The following CCDC7 variants were observed in gnomAD, a reference collection of about 807,000 sequenced individuals.
CCDC7 encodes the protein coiled-coil domain-containing protein 7.
A neutral mutation model predicts 196.9 loss-of-function variants in CCDC7; 183 were observed. That is an observed-to-expected ratio of 0.93 (90% CI 0.82 to 1.05). The LOEUF (loss-of-function observed/expected upper bound fraction) is 1.05. Ranked by LOEUF, CCDC7 falls within the 50% of genes least tolerant of loss-of-function variation. The pLI, the probability that CCDC7 is intolerant of heterozygous loss-of-function variation, is 0.00. For missense variants in CCDC7, 1,540 were observed against 1,482.2 expected (o/e 1.04, Z -0.64); for synonymous variants, 525 against 484.6 (o/e 1.08, Z -1.10).
At chr10:32,703,979 A>T (rs538648754) in intron 24 of CCDC7, among the ~76,000 whole-genome samples, 8 of 151,896 alleles carry the variant, frequency 5.3e-5, no homozygotes, top group Admixed American at 3.3e-4. Flanking sequence ...TTTAGCTCTG[A>T]GTAGTTTGAT....
At chr10:32,607,263 C>T (rs2061648556) in intron 18 of CCDC7, among the ~76,000 whole-genome samples, 1 of 152,180 alleles carries the variant, frequency 6.6e-6, no homozygotes, top group African/African-American at 2.4e-5. Flanking sequence ...GCCTGCAGAA[C>T]TGTGAGCCAA....
intron 31 of CCDC7, among the ~76,000 whole-genome samples, chr10:32,823,910 C>T (rs572503961): frequency 6.6e-6 from 1 of 152,240 alleles, no homozygotes; most frequent in East Asian, 1.9e-4. Context: ...AGAGAAGAGA[C>T]TTTTTTCACA....
chr10:32,570,641 G>A (rs757784013), intron 15 of CCDC7, among the ~76,000 whole-genome samples: 11 of 152,184 alleles, frequency 7.2e-5, no homozygotes, highest in South Asian at 2.1e-4. Context: ...ACTAGGCATA[G>A]TTATCTAGCT....
At chr10:32,759,584 A>C (rs543853609) in intron 28 of CCDC7, among the ~76,000 whole-genome samples, 1 of 152,230 alleles carries the variant, frequency 6.6e-6, no homozygotes, top group Non-Finnish European at 1.5e-5. Flanking sequence ...ACCTTATACA[A>C]AAATTAATTC....
intron 28 of CCDC7, among the ~76,000 whole-genome samples, chr10:32,761,346 C>A (rs2077440207): frequency 6.6e-6 from 1 of 151,966 alleles, no homozygotes; most frequent in Non-Finnish European, 1.5e-5. Flanking sequence ...AGCACTGATA[C>A]CGTGGCATCA....
chr10:32,463,192 A>C (rs2036096631), intron 5 of CCDC7, 143 bp downstream of exon 6: 1 of 1,017,794 alleles, frequency 9.8e-7, no homozygotes, highest in Admixed American at 2.6e-5. Context: ...TGGGTAGACA[A>C]GGAATAAGTG....
intron 25 of CCDC7, among the ~76,000 whole-genome samples, chr10:32,712,773 CT>C (rs2081035619): frequency 6.6e-6 from 1 of 152,208 alleles, no homozygotes; most frequent in Non-Finnish European, 1.5e-5. Flanking sequence ...ACAACAGCCT[CT>C]GTAACTGTCA....
intron 41 of CCDC7, among the ~76,000 whole-genome samples, chr10:32,866,625 T>G (rs2094206874): frequency 1.4e-5 from 2 of 147,536 alleles, no homozygotes; most frequent in African/African-American, 2.5e-5. Context: ...GAAAAGGAGG[T>G]GGTGGTGAGG....
At chr10:32,740,465 G>A (rs944516904) in intron 28 of CCDC7, among the ~76,000 whole-genome samples, 19 of 152,098 alleles carry the variant, frequency 1.2e-4, no homozygotes, top group Non-Finnish European at 4.4e-5. Context: ...TACAGTATTT[G>A]TGAGATGCAA....
intron 28 of CCDC7, among the ~76,000 whole-genome samples, chr10:32,754,634 A>G (rs956900925): frequency 1.3e-5 from 2 of 152,224 alleles, no homozygotes; most frequent in African/African-American, 4.8e-5. Flanking sequence ...TGCATTATAA[A>G]ATAATAAACA....
At chr10:32,728,097 T>G (rs2083386651) in intron 26 of CCDC7, among the ~76,000 whole-genome samples, 1 of 152,074 alleles carries the variant, frequency 6.6e-6, no homozygotes, top group Non-Finnish European at 1.5e-5. Context: ...ACACCCCCTT[T>G]CTTTCTCCCC....
intron 26 of CCDC7, among the ~76,000 whole-genome samples, chr10:32,727,382 TG>T (rs1376988902): frequency 6.6e-6 from 1 of 152,114 alleles, no homozygotes; most frequent in Non-Finnish European, 1.5e-5. Context: ...TCTTGTGTGG[TG>T]GGGAATGTTA....
intron 41 of CCDC7, among the ~76,000 whole-genome samples, chr10:32,875,447 T>G (rs113277775): frequency 0.038 from 5,811 of 152,092 alleles, 389 homozygotes; most frequent in African/African-American, 0.13. Context: ...TGGTTGTAGA[T>G]GTGCAGCCTT....
intron 37 of CCDC7, among the ~76,000 whole-genome samples, chr10:32,847,077 G>A (rs763517920): frequency 6.6e-6 from 1 of 152,122 alleles, no homozygotes; most frequent in Admixed American, 6.6e-5. Flanking sequence ...ATTCGAAGCC[G>A]GCCCTCTAAA....
exon 21 of CCDC7, chr10:32,664,089 G>C (rs1295793428): frequency 5.0e-6 from 2 of 396,192 alleles, no homozygotes; most frequent in African/African-American, 2.1e-5. Context: ...TCTTATGCTT[G>C]AACAAGACAC....
intron 41 of CCDC7, among the ~76,000 whole-genome samples, chr10:32,872,816 A>G (rs2094476133): frequency 6.6e-6 from 1 of 152,110 alleles, no homozygotes; most frequent in Non-Finnish European, 1.5e-5. Context: ...TTGGCTGGAT[A>G]TGAAATTCTG....
chr10:32,695,207 G>A (rs540971012), intron 24 of CCDC7, among the ~76,000 whole-genome samples: 46 of 152,196 alleles, frequency 3.0e-4, no homozygotes, highest in African/African-American at 1.0e-3. Context: ...TCATGTGCTC[G>A]GTGTCCACCA....
At chr10:32,665,318 T>A (rs887324897) in intron 21 of CCDC7, among the ~76,000 whole-genome samples, 2 of 152,018 alleles carry the variant, frequency 1.3e-5, no homozygotes, top group Non-Finnish European at 2.9e-5. Flanking sequence ...TAGTTTGGTT[T>A]AATACCATTT....
chr10:32,680,978 A>G (rs1281040657), intron 21 of CCDC7, among the ~76,000 whole-genome samples: 2 of 152,210 alleles, frequency 1.3e-5, no homozygotes, highest in African/African-American at 4.8e-5. Flanking sequence ...AACTATTACA[A>G]TGTGTACGCT....
Sources: allele counts gnomAD v4.1 joint callset (sites outside exome capture counted in the v4.1 genomes callset), GRCh38; gene constraint gnomAD v4.1.1; transcripts MANE v1.5; gene names NCBI Gene and HGNC (gene_info 2026-07-23, HGNC 2026-07-21).